GRM5: variants seen among roughly 807,000 people sequenced by gnomAD.
The protein encoded by GRM5 is metabotropic glutamate receptor 5.
Under a neutral mutation model 83.1 loss-of-function variants are expected in GRM5, and 19 were observed. The observed-to-expected ratio is 0.23, with a 90% confidence interval of 0.16 to 0.34. The LOEUF is 0.34. GRM5 is among the 10% of genes least tolerant of loss of function. GRM5 has a pLI of 1.00. For missense variants in GRM5, 1,160 were observed against 1,588.3 expected (o/e 0.73, Z 4.58); for synonymous variants, 675 against 633.6 (o/e 1.07, Z -0.98).
chr11:88,999,664 G>T (rs967455291), intron 2 of GRM5, among the ~76,000 whole-genome samples: 6 of 152,146 alleles, frequency 3.9e-5, no homozygotes, highest in African/African-American at 1.4e-4. Flanking sequence ...TTCAACCATT[G>T]TGGAAGTCAG....
Position 88,508,373 on chromosome 11 carries a change from T to C in GRM5, c.*219A>G, listed in dbSNP as rs1289671954. 15 of 466,064 alleles carry C rather than the reference T, an allele frequency of 3.2e-5. No homozygotes were observed. Among genetic ancestry groups the C allele is most frequent in the Non-Finnish European group, 4.9e-5 (13 of 265,458 alleles). 28.9% of individuals were successfully genotyped at this position (466,064 alleles called of 1,614,324 possible). On this transcript the variant is annotated 3_prime_UTR_variant, in exon 10 of 10. Coordinates refer to ENST00000305447, the MANE Select transcript of GRM5 (RefSeq NM_001143831.3). The surrounding 1 kb of genome is among the most constrained non-coding windows in gnomAD (Gnocchi z 4.2). Reference sequence around the variant, plus strand: ...CAGCCGTGTTTCTTAAAAGCCCATGTTTTCTAAGGCCACTAGAAGAAAATC... The same window carrying C: ...CAGCCGTGTTTCTTAAAAGCCCATGCTTTCTAAGGCCACTAGAAGAAAATC...
At chr11:88,967,201 G>T (rs1421741153) in intron 2 of GRM5, among the ~76,000 whole-genome samples, 3 of 135,756 alleles carry the variant, frequency 2.2e-5, no homozygotes, top group Non-Finnish European at 3.1e-5. Flanking sequence ...ATATATGTGT[G>T]TGTGTGTGTG....
At chr11:89,048,197 A>G (rs1420600917) in intron 1 of GRM5, 125 bp from the exon 2 acceptor site, 1 of 242,512 alleles carries the variant, frequency 4.1e-6, no homozygotes, top group Non-Finnish European at 8.0e-6. Context: ...AAAAAATTCA[A>G]AAACGTTTCT....
At chr11:88,830,140 G>A (rs1303328545) in intron 3 of GRM5, among the ~76,000 whole-genome samples, 1 of 151,958 alleles carries the variant, frequency 6.6e-6, no homozygotes, top group Non-Finnish European at 1.5e-5. Context: ...ATATGCACTA[G>A]CATAATGTCT....
At chr11:88,857,144 CA>C in intron 2 of GRM5, among the ~76,000 whole-genome samples, 1 of 151,976 alleles carries the variant, frequency 6.6e-6, no homozygotes, top group Non-Finnish European at 1.5e-5. Flanking sequence ...ATTGGTCAAA[CA>C]GTGTAACTAT....
chr11:88,568,369 T>A (rs557023609), intron 7 of GRM5, among the ~76,000 whole-genome samples: 1 of 152,224 alleles, frequency 6.6e-6, no homozygotes, highest in African/African-American at 2.4e-5. Flanking sequence ...ACAATAGGAA[T>A]GAGCAAATAA....
At chr11:89,010,776 G>A (rs10909592) in intron 2 of GRM5, among the ~76,000 whole-genome samples, 81,886 of 147,318 alleles carry the variant, frequency 0.56, 22,921 homozygotes, top group South Asian at 0.68. Flanking sequence ...TTATTAGAAC[G>A]TAGGTTTCTT....
chr11:88,804,013 A>C (rs1943451362), intron 3 of GRM5, among the ~76,000 whole-genome samples: 3 of 151,100 alleles, frequency 2.0e-5, no homozygotes, highest in Non-Finnish European at 4.5e-5. Flanking sequence ...TTAGAATGGC[A>C]ATCATTAAAA....
intron 2 of GRM5, among the ~76,000 whole-genome samples, chr11:88,986,450 G>C (rs1380244387): frequency 6.6e-6 from 1 of 152,064 alleles, no homozygotes; most frequent in African/African-American, 2.4e-5. Flanking sequence ...TCCTGGTGGT[G>C]ATTTTATACT....
chr11:88,570,819 G>A (rs1488592688), intron 7 of GRM5, among the ~76,000 whole-genome samples: 5 of 150,774 alleles, frequency 3.3e-5, no homozygotes, highest in Admixed American at 6.6e-5. Context: ...CACCTTCCTC[G>A]GCCTCTCAAA....
chr11:88,663,090 C>T (rs1939948398), intron 3 of GRM5, among the ~76,000 whole-genome samples: 1 of 152,188 alleles, frequency 6.6e-6, no homozygotes. Context: ...CAACTCTATT[C>T]TGCATTTCTT....
intron 3 of GRM5, among the ~76,000 whole-genome samples, chr11:88,732,929 A>G (rs958213939): frequency 3.9e-5 from 6 of 151,990 alleles, no homozygotes; most frequent in African/African-American, 1.4e-4. Flanking sequence ...CTTGCCAAAG[A>G]AGACTTTCAA....
Position 88,885,461 on chromosome 11 carries a change from T to G in GRM5, c.662-35306A>C, listed in dbSNP as rs1265902389. On this transcript the variant is annotated intron_variant, in intron 2 of 9. Transcript: ENST00000305447. ...ATAGTAGGTACCATGTTTTTTTTTT[T>G]TTTTTTTTTTTTTTTTTTTTTTTTT... is the stretch of plus-strand genomic sequence containing the variant. Among the ~76,000 whole-genome samples, 35 of 113,368 alleles carry G rather than the reference T, an allele frequency of 3.1e-4. 4 individuals are homozygous for G. The highest frequency in any genetic ancestry group is 1.3e-3 in the African/African-American group (30 of 23,476). The allele number at this position is 113,368 out of a possible 152,430, so 74.4% of individuals were successfully genotyped here.
At chr11:88,929,656 T>C (rs1416421077) in intron 2 of GRM5, among the ~76,000 whole-genome samples, 1 of 152,164 alleles carries the variant, frequency 6.6e-6, no homozygotes, top group Admixed American at 6.6e-5. Context: ...TAAGTTTATG[T>C]TTGTCAATGA....
intron 3 of GRM5, among the ~76,000 whole-genome samples, chr11:88,770,995 TG>T (rs1280285823): frequency 6.6e-6 from 1 of 152,106 alleles, no homozygotes; most frequent in Non-Finnish European, 1.5e-5. Flanking sequence ...AAATCAGACA[TG>T]TATCCCTTAC....
chr11:88,623,185 A>T (rs1938689082), intron 4 of GRM5, among the ~76,000 whole-genome samples: 1 of 152,164 alleles, frequency 6.6e-6, no homozygotes, highest in African/African-American at 2.4e-5. Context: ...TCCCAGGTTC[A>T]AGCGATTCTC....
chr11:88,868,471 T>C (rs1364882735), intron 2 of GRM5, among the ~76,000 whole-genome samples: 1 of 151,786 alleles, frequency 6.6e-6, no homozygotes, highest in Non-Finnish European at 1.5e-5. Flanking sequence ...TAAATAAGGC[T>C]AGAGTAGTAT....
At chr11:88,977,663 C>T (rs1293543232) in intron 2 of GRM5, among the ~76,000 whole-genome samples, 1 of 152,218 alleles carries the variant, frequency 6.6e-6, no homozygotes, top group Non-Finnish European at 1.5e-5. Flanking sequence ...TAAGTGACCA[C>T]AGCAGGTAAG....
chr11:89,057,159 A>G (rs1941895383), intron 1 of GRM5, among the ~76,000 whole-genome samples: 1 of 152,166 alleles, frequency 6.6e-6, no homozygotes, highest in African/African-American at 2.4e-5. Context: ...GGACATAAAC[A>G]CTAAAATGAT....
Sources: gnomAD v4.1 joint callset for allele counts (sites outside exome capture counted in the v4.1 genomes callset) on GRCh38, gnomAD v4.1.1 for gene constraint, Gnocchi (gnomAD v3.1) non-coding constraint, MANE v1.5 for transcripts, NCBI Gene and HGNC (gene_info 2026-07-23, HGNC 2026-07-21) for gene names.